PTPRD: variants seen among roughly 807,000 people sequenced by gnomAD.
The protein encoded by PTPRD is protein tyrosine phosphatase receptor type D, also known as receptor-type tyrosine-protein phosphatase delta.
PTPRD carries 34 observed loss-of-function variants against 214.5 expected under a neutral mutation model. That is an observed-to-expected ratio of 0.16 (90% CI 0.12 to 0.21). The LOEUF is 0.21. Among genes scored for constraint, PTPRD ranks in the 10% least tolerant of loss-of-function variants. The pLI is 1.00. For missense variants in PTPRD, 2,545 were observed against 2,398.7 expected (o/e 1.06, Z -1.27); for synonymous variants, 1,128 against 845.7 (o/e 1.33, Z -5.79).
intron 3 of PTPRD, among the ~76,000 whole-genome samples, chr9:10,043,341 G>A (rs1313033046): frequency 1.3e-5 from 2 of 151,836 alleles, no homozygotes; most frequent in African/African-American, 4.8e-5. Context: ...TCAAAATGAT[G>A]CTTGATAAAG....
At chr9:10,438,008 C>CATATATATATATATATATATATATAT (rs71485332) in intron 2 of PTPRD, among the ~76,000 whole-genome samples, 22 of 125,146 alleles carry the variant, frequency 1.8e-4, no homozygotes, top group African/African-American at 7.7e-4. Flanking sequence ...CCTAAGTCTA[C>CATATATATATATATATATATATATAT]ATATATATAT....
At chr9:10,311,873 G>A (rs980719141) in intron 3 of PTPRD, among the ~76,000 whole-genome samples, 1 of 151,980 alleles carries the variant, frequency 6.6e-6, no homozygotes, top group African/African-American at 2.4e-5. Context: ...CTTGGTGTGA[G>A]ATCGAATTGT....
intron 39 of PTPRD, among the ~76,000 whole-genome samples, chr9:8,368,203 T>G (rs548447089): frequency 6.6e-6 from 1 of 152,330 alleles, no homozygotes; most frequent in South Asian, 2.1e-4. Context: ...GTTCTCCTTC[T>G]GATTCCGCTT....
intron 11 of PTPRD, among the ~76,000 whole-genome samples, chr9:8,745,703 G>A (rs749959087): frequency 5.3e-5 from 8 of 152,058 alleles, no homozygotes; most frequent in South Asian, 2.1e-4. Flanking sequence ...GTAATTGAAC[G>A]AATAACATGC....
chr9:9,324,210 T>TG (rs1448944277), intron 9 of PTPRD, among the ~76,000 whole-genome samples: 8 of 152,156 alleles, frequency 5.3e-5, no homozygotes, highest in Admixed American at 5.2e-4. Flanking sequence ...CACGCAGTAA[T>TG]GGGATGGCTG....
At chr9:9,224,647 C>T (rs149496076) in intron 9 of PTPRD, among the ~76,000 whole-genome samples, 3 of 151,910 alleles carry the variant, frequency 2.0e-5, no homozygotes, top group Admixed American at 2.0e-4. Context: ...TGACTTACAA[C>T]AACTTAAACT....
chr9:9,003,412 T>C (rs2099432206), intron 11 of PTPRD, among the ~76,000 whole-genome samples: 1 of 152,050 alleles, frequency 6.6e-6, no homozygotes, highest in Non-Finnish European at 1.5e-5. Context: ...TATTAAAATA[T>C]GCCTACTTGT....
intron 11 of PTPRD, among the ~76,000 whole-genome samples, chr9:8,953,003 G>T (rs1387148950): frequency 1.3e-5 from 2 of 151,880 alleles, no homozygotes; most frequent in Non-Finnish European, 2.9e-5. Flanking sequence ...GAAATCTGTG[G>T]CTGTTTATCT....
At chr9:8,415,510 A>C (rs1479865589) in intron 35 of PTPRD, among the ~76,000 whole-genome samples, 1 of 152,308 alleles carries the variant, frequency 6.6e-6, no homozygotes, top group Non-Finnish European at 1.5e-5. Flanking sequence ...TGGAATATTA[A>C]ATGTAATTAT....
At chr9:8,606,447 G>A (rs1441292338) in intron 14 of PTPRD, among the ~76,000 whole-genome samples, 1 of 152,158 alleles carries the variant, frequency 6.6e-6, no homozygotes, top group Non-Finnish European at 1.5e-5. Context: ...TGAAGCATAT[G>A]CAGAGACATA....
intron 10 of PTPRD, among the ~76,000 whole-genome samples, chr9:9,073,487 AC>A (rs1209816233): frequency 6.6e-6 from 1 of 152,184 alleles, no homozygotes; most frequent in Non-Finnish European, 1.5e-5. Flanking sequence ...GTTGCGATTA[AC>A]ATTTACCACC....
intron 4 of PTPRD, among the ~76,000 whole-genome samples, chr9:10,018,607 G>A (rs1479937714): frequency 1.6e-5 from 2 of 126,356 alleles, no homozygotes; most frequent in East Asian, 4.6e-4. Context: ...GAGTGCAGTG[G>A]CGGGATCTCG....
At position 8,963,327 on chromosome 9, in the gene PTPRD, A is replaced by G. The variant is rs116574180; in HGVS notation, c.-104+55370T>C. 3.5e-3 allele frequency among the ~76,000 whole-genome samples: 529 copies of G among 152,260 alleles called. 3 individuals are homozygous for G. Among genetic ancestry groups the G allele is most frequent in the African/African-American group, 0.012 (508 of 41,572 alleles). ...AGTAATACATGGGAGGATTTTAGGT[A>G]TTATTATAGCAAGGTTTAATTTTCA... On this transcript the variant is annotated intron_variant, in intron 11 of 45. Coordinates refer to ENST00000381196, the MANE Select transcript of PTPRD (RefSeq NM_002839.4).
chr9:9,630,161 T>A (rs548612458), intron 7 of PTPRD, among the ~76,000 whole-genome samples: 3 of 152,326 alleles, frequency 2.0e-5, no homozygotes, highest in African/African-American at 7.2e-5. Context: ...ACTGGCCAGG[T>A]CTTTTACAGG....
intron 2 of PTPRD, among the ~76,000 whole-genome samples, chr9:10,450,084 C>T (rs1283870262): frequency 6.6e-6 from 1 of 151,634 alleles, no homozygotes. Flanking sequence ...ATCTCAAGTA[C>T]CCAGGGACAC....
At chr9:10,504,513 G>T (rs1243613672) in intron 2 of PTPRD, among the ~76,000 whole-genome samples, 1 of 152,072 alleles carries the variant, frequency 6.6e-6, no homozygotes, top group Non-Finnish European at 1.5e-5. Context: ...AGTTTCCAAA[G>T]ATAAGAGCTT....
rs1333565383 is a variant in PTPRD, at chr9:8,523,900, C to T, written c.680-376G>A. Among the ~76,000 whole-genome samples the T allele has an allele frequency of 3.3e-5, 5 of 152,258 alleles. No homozygotes were observed. The East Asian group carries it at 9.7e-4, about 29-fold the overall frequency. On this transcript the variant is annotated intron_variant, in intron 18 of 45. Transcript: ENST00000381196. The stretch of plus-strand genomic sequence containing the variant: ...AAAAAAAGAAAGGAGAGAAAAACAT[C>T]CCCAGGGAAACAAAATTACCTCTAA...
At chr9:9,439,169 T>A (rs1330418106) in intron 8 of PTPRD, among the ~76,000 whole-genome samples, 3 of 147,246 alleles carry the variant, frequency 2.0e-5, no homozygotes, top group South Asian at 4.5e-4. Context: ...AGTTTAAAAA[T>A]AAACAAGATC....
chr9:9,947,278 A>G (rs2092694199), intron 4 of PTPRD, among the ~76,000 whole-genome samples: 1 of 111,958 alleles, frequency 8.9e-6, no homozygotes, highest in Non-Finnish European at 1.7e-5. Context: ...TATACTTAAC[A>G]TGTGCTCTGG....
Sources: allele counts gnomAD v4.1 joint callset (sites outside exome capture counted in the v4.1 genomes callset), GRCh38; gene constraint gnomAD v4.1.1; transcripts MANE v1.5; gene names NCBI Gene and HGNC (gene_info 2026-07-23, HGNC 2026-07-21).